LMNTD1: variants seen among roughly 807,000 people sequenced by gnomAD.
The protein encoded by LMNTD1 is lamin tail domain-containing protein 1.
In LMNTD1, 35 loss-of-function variants were observed where a neutral mutation model predicts 50.9. The ratio of observed to expected loss-of-function variants is 0.69; its 90% CI spans 0.53 to 0.91. LMNTD1 has a LOEUF of 0.91. LMNTD1 is among the 40% of genes least tolerant of loss of function. The pLI, the probability that LMNTD1 is intolerant of heterozygous loss-of-function variation, is 0.00. For missense variants in LMNTD1, 470 were observed against 475.5 expected, an observed-to-expected ratio of 0.99 and a Z score of 0.11; for synonymous variants, 153 against 161.9, an observed-to-expected ratio of 0.94 and a Z score of 0.42.
chr12:25,594,651 C>A (rs371725857), intron 1 of LMNTD1, among the ~76,000 whole-genome samples: 37 of 69,902 alleles, frequency 5.3e-4, no homozygotes, highest in East Asian at 1.2e-3. Flanking sequence ...AACAGAAATA[C>A]AAAAAAAAAA....
At chr12:25,612,330 G>GCGCA (rs1555122456) in intron 1 of LMNTD1, among the ~76,000 whole-genome samples, 2 of 109,960 alleles carry the variant, frequency 1.8e-5, no homozygotes, top group Admixed American at 9.1e-5. Flanking sequence ...ACACACACAC[G>GCGCA]CGCTCCCACT....
At chr12:25,571,383 A>G (rs1944789324) in intron 1 of LMNTD1, among the ~76,000 whole-genome samples, 2 of 148,846 alleles carry the variant, frequency 1.3e-5, no homozygotes, top group Non-Finnish European at 3.0e-5. Flanking sequence ...TTATTTTTTG[A>G]GACGGAGTCT....
At chr12:25,597,347 G>A (rs994868139) in intron 1 of LMNTD1, among the ~76,000 whole-genome samples, 1 of 152,020 alleles carries the variant, frequency 6.6e-6, no homozygotes, top group Non-Finnish European at 1.5e-5. Context: ...AGAAGAGCAG[G>A]CAGAGCTATA....
intron 4 of LMNTD1, among the ~76,000 whole-genome samples, chr12:25,540,452 TAAAC>T (rs1342252797): frequency 2.6e-5 from 3 of 114,338 alleles, no homozygotes; most frequent in Admixed American, 9.4e-5. Flanking sequence ...ATCCAGCATA[TAAAC>T]AGAGCCAAAG....
intron 9 of LMNTD1, among the ~76,000 whole-genome samples, chr12:25,479,968 C>G (rs1337927745): frequency 6.6e-6 from 1 of 152,168 alleles, no homozygotes; most frequent in Non-Finnish European, 1.5e-5. Flanking sequence ...TAACCTCCAT[C>G]CCTGCCACCA....
At chr12:25,510,384 T>G (rs1245362745) in intron 8 of LMNTD1, among the ~76,000 whole-genome samples, 1 of 152,132 alleles carries the variant, frequency 6.6e-6, no homozygotes, top group Non-Finnish European at 1.5e-5. Context: ...ATATTTTGTT[T>G]TCTGAAGTTT....
At chr12:25,588,318 C>T (rs183145624) in intron 1 of LMNTD1, among the ~76,000 whole-genome samples, 122 of 152,136 alleles carry the variant, frequency 8.0e-4, no homozygotes, top group African/African-American at 2.8e-3. Context: ...TCGATGAGTA[C>T]TAGTTTGTTT....
At position 25,526,882 on chromosome 12, in the gene LMNTD1, C is replaced by T. The variant is rs995911346; in HGVS notation, c.565G>A (p.Asp189Asn). The change falls in exon 5 of 10, where the codon GAC becomes AAC. Residue 189 changes from aspartate (D) to asparagine (N), a missense_variant. Transcript: ENST00000458174. The stretch of plus-strand genomic sequence containing the variant: ...TGATCTCCAATTGCCATTTCTTTGT[C>T]AAGGGAAGAGTTAATGAGCTTCACG... ...LFVKLINSSL[D>N]KEMAIGDHIL... 6.2e-7 allele frequency: 1 copy of T among 1,613,104 alleles called. No homozygotes were observed. Among genetic ancestry groups the T allele is most frequent in the Non-Finnish European group, 8.5e-7 (1 of 1,179,464 alleles).
Position 25,587,886 on chromosome 12 carries a change from C to T in LMNTD1, c.59-41332G>A, listed in dbSNP as rs926695721. Among the ~76,000 whole-genome samples the T allele has an allele frequency of 2.6e-5, 4 of 152,110 alleles. No homozygotes were observed. The South Asian group carries it at 6.2e-4, about 24-fold the overall frequency. On this transcript the variant is annotated intron_variant, in intron 1 of 7. Transcript: ENST00000445693. ...CAAAAAAGCTAGGTGAATATCAGTA[C>T]ATTTTTTAAAAAAATTAACTCACTT...
At chr12:25,584,622 T>C (rs1489615423) in intron 1 of LMNTD1, among the ~76,000 whole-genome samples, 1 of 152,216 alleles carries the variant, frequency 6.6e-6, no homozygotes, top group Admixed American at 6.5e-5. Flanking sequence ...CTTTGACAAA[T>C]AGTAAAGAAA....
chr12:25,599,906 T>C (rs1945923551), intron 1 of LMNTD1, among the ~76,000 whole-genome samples: 1 of 151,904 alleles, frequency 6.6e-6, no homozygotes, highest in Non-Finnish European at 1.5e-5. Context: ...GTAATCCCTG[T>C]CAAAATACCA....
At chr12:25,507,427 T>A (rs59401241) in intron 8 of LMNTD1, among the ~76,000 whole-genome samples, 29,704 of 152,176 alleles carry the variant, frequency 0.2, 3,158 homozygotes, top group African/African-American at 0.26. Context: ...AAATGGTAGC[T>A]TAATTCTATG....
At chr12:25,531,251 G>A (rs1016027653) in intron 4 of LMNTD1, among the ~76,000 whole-genome samples, 2 of 152,174 alleles carry the variant, frequency 1.3e-5, no homozygotes, top group Non-Finnish European at 2.9e-5. Flanking sequence ...CAGATTTATG[G>A]CCTAGAGAAC....
chr12:25,530,282 T>C (rs965631024), intron 4 of LMNTD1, among the ~76,000 whole-genome samples: 3 of 152,214 alleles, frequency 2.0e-5, no homozygotes, highest in Non-Finnish European at 4.4e-5. Context: ...ATCTATAATG[T>C]TTCTTATGGT....
chr12:25,512,346 C>A (rs1428757044), intron 8 of LMNTD1, among the ~76,000 whole-genome samples: 1 of 152,054 alleles, frequency 6.6e-6, no homozygotes, highest in Non-Finnish European at 1.5e-5. Flanking sequence ...ATGGATGTTG[C>A]TTTAGGGAGC....
chr12:25,563,843 G>C (rs1472568040), intron 1 of LMNTD1, among the ~76,000 whole-genome samples: 2 of 152,186 alleles, frequency 1.3e-5, no homozygotes, highest in African/African-American at 4.8e-5. Flanking sequence ...CCTCAGCAAT[G>C]GTGGGCGCCC....
intron 1 of LMNTD1, among the ~76,000 whole-genome samples, chr12:25,635,737 A>G (rs561729907): frequency 2.6e-5 from 4 of 152,236 alleles, no homozygotes; most frequent in Non-Finnish European, 5.9e-5. Flanking sequence ...TTCAAACTAT[A>G]CTATAAGGCC....
At chr12:25,628,191 T>C (rs1377605773) in intron 1 of LMNTD1, among the ~76,000 whole-genome samples, 1 of 149,696 alleles carries the variant, frequency 6.7e-6, no homozygotes, top group Non-Finnish European at 1.5e-5. Flanking sequence ...GAATTGCATA[T>C]ATTACTTGAA....
intron 9 of LMNTD1, among the ~76,000 whole-genome samples, chr12:25,494,118 G>A (rs578262528): frequency 6.6e-5 from 10 of 152,292 alleles, no homozygotes; most frequent in African/African-American, 2.4e-4. Flanking sequence ...ACCATTTCTT[G>A]TGGTAGTTAT....
Sources: allele counts gnomAD v4.1 joint callset (sites outside exome capture counted in the v4.1 genomes callset), GRCh38; gene constraint gnomAD v4.1.1; transcripts MANE v1.5; gene names NCBI Gene and HGNC (gene_info 2026-07-23, HGNC 2026-07-21).